DSCAML1: variants seen among roughly 807,000 people sequenced by gnomAD.
DSCAML1 encodes cell adhesion molecule DSCAML1.
A neutral mutation model predicts 200.5 loss-of-function variants in DSCAML1; 38 were observed. The observed-to-expected ratio is 0.19, with a 90% CI of 0.15 to 0.25. DSCAML1 has a LOEUF of 0.25. Ranked by LOEUF, DSCAML1 falls within the 10% of genes least tolerant of loss-of-function variation. DSCAML1 has a pLI of 1.00. For synonymous variants in DSCAML1, 1,215 were observed against 1,165.0 expected, an observed-to-expected ratio of 1.04 and a Z score of -0.87; for missense variants, 2,223 against 2,858.8, an observed-to-expected ratio of 0.78 and a Z score of 5.07.
At chr11:117,571,093 G>A (rs1418162376) in intron 3 of DSCAML1, among the ~76,000 whole-genome samples, 1 of 152,240 alleles carries the variant, frequency 6.6e-6, no homozygotes, top group Non-Finnish European at 1.5e-5. Flanking sequence ...ACCTCATTAT[G>A]GAGACGAGCA....
rs886375689 is a variant in DSCAML1, at chr11:117,477,052, T to C, written c.2785+3391A>G. Among the ~76,000 whole-genome samples, 8 of 152,266 alleles carry C rather than the reference T, an allele frequency of 5.3e-5. 1 individual carries two copies. The highest frequency in any genetic ancestry group is 7.3e-5 in the Non-Finnish European group (5 of 68,034). ...GGCCACCCTGAGAATGAAATGTTACTGTCTCCATTTTATACATAAGGAGAT... is the reference window on the plus strand; with the variant it reads ...GGCCACCCTGAGAATGAAATGTTACCGTCTCCATTTTATACATAAGGAGAT... On this transcript the variant is annotated intron_variant, in intron 14 of 32. Transcript: ENST00000651296.
At chr11:117,633,379 A>G (rs967952235) in intron 3 of DSCAML1, among the ~76,000 whole-genome samples, 19 of 152,276 alleles carry the variant, frequency 1.2e-4, no homozygotes, top group Middle Eastern at 6.8e-3. Flanking sequence ...TAGGGAGGGG[A>G]CAGACACGGC....
chr11:117,525,383 A>G (rs1565765647), intron 4 of DSCAML1, among the ~76,000 whole-genome samples: 1 of 152,064 alleles, frequency 6.6e-6, no homozygotes, highest in African/African-American at 2.4e-5. Flanking sequence ...AGAAGGGAAG[A>G]AGGCGGAAGA....
intron 1 of DSCAML1, among the ~76,000 whole-genome samples, chr11:117,812,141 C>T (rs2055766621): frequency 6.6e-6 from 1 of 152,144 alleles, no homozygotes; most frequent in Admixed American, 6.5e-5. Flanking sequence ...TTGCGTCCTC[C>T]TCTTGTATTC....
intron 1 of DSCAML1, among the ~76,000 whole-genome samples, chr11:117,794,518 C>T (rs1454504334): frequency 1.3e-5 from 2 of 152,090 alleles, no homozygotes. Context: ...TTAATTCCAT[C>T]CAAAGGATGC....
intron 19 of DSCAML1, among the ~76,000 whole-genome samples, chr11:117,451,351 C>T (rs192901908): frequency 3.7e-4 from 57 of 152,370 alleles, no homozygotes; most frequent in African/African-American, 1.2e-3. Flanking sequence ...CTCACACTCC[C>T]TATCCTCATC....
chr11:117,693,936 A>T (rs961419208), intron 3 of DSCAML1, among the ~76,000 whole-genome samples: 14 of 151,990 alleles, frequency 9.2e-5, no homozygotes, highest in African/African-American at 1.2e-4. Flanking sequence ...TTATGCAAAC[A>T]TGAGATGCCA....
At chr11:117,457,503 C>T (rs1358998184) in intron 19 of DSCAML1, among the ~76,000 whole-genome samples, 1 of 152,246 alleles carries the variant, frequency 6.6e-6, no homozygotes, top group Non-Finnish European at 1.5e-5. Flanking sequence ...GATGCCATCT[C>T]AGCACAGTCT....
intron 3 of DSCAML1, among the ~76,000 whole-genome samples, chr11:117,613,756 C>T (rs1042367861): frequency 1.3e-5 from 2 of 152,156 alleles, no homozygotes; most frequent in Non-Finnish European, 2.9e-5. Flanking sequence ...CCCAGGGGGT[C>T]GGAGACTGAG....
chr11:117,783,381 T>C (rs1275935920), intron 1 of DSCAML1, among the ~76,000 whole-genome samples: 1 of 152,120 alleles, frequency 6.6e-6, no homozygotes, highest in East Asian at 1.9e-4. Context: ...AGGAATTGAT[T>C]CATGGGAGAA....
intron 3 of DSCAML1, among the ~76,000 whole-genome samples, chr11:117,672,626 G>T (rs996127238): frequency 5.3e-5 from 8 of 152,184 alleles, no homozygotes; most frequent in African/African-American, 1.9e-4. Context: ...CTATGAGTGG[G>T]CAACACACAT....
chr11:117,512,473 G>A (rs964751679), intron 8 of DSCAML1, among the ~76,000 whole-genome samples: 3 of 152,174 alleles, frequency 2.0e-5, no homozygotes, highest in Non-Finnish European at 4.4e-5. Flanking sequence ...TGGGGATGAG[G>A]GGGCCTGAGC....
chr11:117,702,382 C>T (rs2137748614), intron 3 of DSCAML1, among the ~76,000 whole-genome samples: 1 of 152,088 alleles, frequency 6.6e-6, no homozygotes. Flanking sequence ...TTGGATAGCC[C>T]TTGCCTTCTT....
At chr11:117,738,375 G>A (rs975453871) in intron 3 of DSCAML1, among the ~76,000 whole-genome samples, 1 of 151,930 alleles carries the variant, frequency 6.6e-6, no homozygotes, top group Non-Finnish European at 1.5e-5. Context: ...GCAGTAATTA[G>A]CTCTGTGTTT....
At chr11:117,584,966 C>T (rs953944146) in intron 3 of DSCAML1, among the ~76,000 whole-genome samples, 58 of 152,170 alleles carry the variant, frequency 3.8e-4, no homozygotes, top group African/African-American at 1.3e-3. Flanking sequence ...TACATATTAG[C>T]TCTTATGATT....
chr11:117,670,407 A>AAGGCAGACAGGC (rs1358981956), intron 3 of DSCAML1, among the ~76,000 whole-genome samples: 2 of 152,212 alleles, frequency 1.3e-5, no homozygotes, highest in East Asian at 3.9e-4. Flanking sequence ...TATTATGTGC[A>AAGGCAGACAGGC]AGGCAGACAG....
chr11:117,676,385 T>C (rs2053213046), intron 3 of DSCAML1, among the ~76,000 whole-genome samples: 1 of 152,216 alleles, frequency 6.6e-6, no homozygotes, highest in Non-Finnish European at 1.5e-5. Flanking sequence ...ATCTCAACTG[T>C]ACTTCAATGC....
rs73592640 is a variant in DSCAML1, at chr11:117,663,760, C to G, written c.511+113031G>C. The stretch of plus-strand genomic sequence containing the variant: ...ATCCCTGGTGGGAGGCATTCTGTAT[C>G]GGACTGAGTACAGGGGGGCTGGGGG... On this transcript the variant is annotated intron_variant, in intron 3 of 32. Coordinates refer to ENST00000651296, the MANE Select transcript of DSCAML1 (RefSeq NM_020693.4). 2.0e-5 allele frequency among the ~76,000 whole-genome samples: 3 copies of G among 151,960 alleles called. No homozygotes were observed. The South Asian group carries it at 6.2e-4, about 32-fold the overall frequency.
chr11:117,751,136 G>A (rs1234056396), intron 3 of DSCAML1, among the ~76,000 whole-genome samples: 2 of 152,132 alleles, frequency 1.3e-5, no homozygotes, highest in East Asian at 3.8e-4. Context: ...TTGTTGGCAC[G>A]GACGTGACTC....
Sources: allele counts gnomAD v4.1 joint callset (sites outside exome capture counted in the v4.1 genomes callset), GRCh38; gene constraint gnomAD v4.1.1; transcripts MANE v1.5; gene names NCBI Gene and HGNC (gene_info 2026-07-23, HGNC 2026-07-21).